The following VRTN variants were observed in gnomAD, a reference collection of about 807,000 sequenced individuals.
VRTN encodes the protein vertebrae development associated.
A neutral mutation model predicts 18.2 loss-of-function variants in VRTN; 5 were observed. The observed-to-expected ratio is 0.27, with a 90% confidence interval of 0.14 to 0.58. The LOEUF is 0.58. VRTN is among the 20% of genes least tolerant of loss of function. The pLI is 0.91. For missense variants in VRTN, 741 were observed against 939.4 expected, an observed-to-expected ratio of 0.79 and a Z score of 2.76; for synonymous variants, 381 against 393.7, an observed-to-expected ratio of 0.97 and a Z score of 0.38.
At chr14:74,322,960 C>T (rs1370266999) in intron 1 of VRTN, among the ~76,000 whole-genome samples, 1 of 151,642 alleles carries the variant, frequency 6.6e-6, no homozygotes, top group Non-Finnish European at 1.5e-5. Flanking sequence ...ATGGTGAAAC[C>T]CTGTCTCTAC....
At chr14:74,339,408 G>T (rs2085585690) in intron 2 of VRTN, among the ~76,000 whole-genome samples, 1 of 151,898 alleles carries the variant, frequency 6.6e-6, no homozygotes, top group African/African-American at 2.4e-5. Context: ...GTCACCAAGG[G>T]ACTCTGGATG....
chr14:74,327,794 C>T (rs1338438252), intron 1 of VRTN, among the ~76,000 whole-genome samples: 1 of 152,144 alleles, frequency 6.6e-6, no homozygotes. Context: ...AATCTCAGCT[C>T]ACTGCAACCT....
intron 1 of VRTN, among the ~76,000 whole-genome samples, chr14:74,320,513 T>C (rs561358996): frequency 2.8e-4 from 41 of 144,844 alleles, no homozygotes; most frequent in Admixed American, 9.9e-4. Flanking sequence ...CCGCCCGCCT[T>C]GGCCTCCCAA....
chr14:74,359,142 A>G lies in VRTN; in HGVS notation c.*250A>G. The G allele has an allele frequency of 1.5e-6, 1 of 673,860 alleles. No homozygotes were observed. The highest frequency in any genetic ancestry group is 2.1e-6 in the Non-Finnish European group (1 of 466,254). 41.7% of individuals were successfully genotyped at this position (673,860 alleles called of 1,614,324 possible). A position where few individuals can be genotyped will look rare whatever the true frequency, so the allele number is the denominator to read the frequency against. On this transcript the variant is annotated 3_prime_UTR_variant, in exon 2 of 2. Transcript: ENST00000256362. ...TTCGTTGTTTGCTGGTCATATTTTT[A>G]CTGTTATGATTTAGTTTTTGGTTTT...
chr14:74,304,492 C>T (rs572283362), intron 1 of VRTN, among the ~76,000 whole-genome samples: 4 of 152,210 alleles, frequency 2.6e-5, no homozygotes, highest in African/African-American at 7.2e-5. Context: ...ACAAACATAC[C>T]ATACAGCAGG....
chr14:74,354,545 C>T (rs545127563), intron 1 of VRTN, among the ~76,000 whole-genome samples: 5 of 152,136 alleles, frequency 3.3e-5, no homozygotes, highest in Admixed American at 3.3e-4. Context: ...GCTGGGACCA[C>T]AGGCATGTGC....
intron 1 of VRTN, among the ~76,000 whole-genome samples, chr14:74,349,361 G>T (rs1254059963): frequency 6.6e-6 from 1 of 152,218 alleles, no homozygotes; most frequent in East Asian, 1.9e-4. Context: ...CAGTCGGGCT[G>T]GTGTGGCCAG....
chr14:74,355,108 C>T (rs1353976029), intron 1 of VRTN, among the ~76,000 whole-genome samples: 1 of 145,736 alleles, frequency 6.9e-6, no homozygotes, highest in Non-Finnish European at 1.5e-5. Context: ...CGCCCCTGCA[C>T]TCCAGCCTGG....
intron 1 of VRTN, among the ~76,000 whole-genome samples, chr14:74,331,232 A>AAACG (rs1387070452): frequency 2.7e-5 from 4 of 150,288 alleles, no homozygotes; most frequent in Non-Finnish European, 5.9e-5. Flanking sequence ...ACAAACAAAC[A>AAACG]AACCACAAGT....
At chr14:74,304,281 C>T (rs1293091743) in intron 1 of VRTN, among the ~76,000 whole-genome samples, 1 of 151,886 alleles carries the variant, frequency 6.6e-6, no homozygotes, top group Non-Finnish European at 1.5e-5. Context: ...CTCAGCCTCC[C>T]GAGTAGCTGG....
chr14:74,319,328 C>T (rs1194793061), intron 1 of VRTN, among the ~76,000 whole-genome samples: 11 of 152,180 alleles, frequency 7.2e-5, no homozygotes, highest in South Asian at 4.1e-4. Flanking sequence ...GCCCGGCCCG[C>T]GCCTGGCCCC....
At chr14:74,317,012 T>G (rs1195441463) in intron 1 of VRTN, among the ~76,000 whole-genome samples, 3 of 151,082 alleles carry the variant, frequency 2.0e-5, no homozygotes, top group South Asian at 2.1e-4. Flanking sequence ...AAGGGGAGAG[T>G]GATAGGAAAT....
At chr14:74,350,640 A>G (rs1431646671) in intron 1 of VRTN, among the ~76,000 whole-genome samples, 1 of 152,220 alleles carries the variant, frequency 6.6e-6, no homozygotes, top group African/African-American at 2.4e-5. Flanking sequence ...AGGGAGCTTG[A>G]GAGTCAGGCT....
intron 1 of VRTN, among the ~76,000 whole-genome samples, chr14:74,351,437 A>G (rs1284727462): frequency 6.6e-6 from 1 of 151,846 alleles, no homozygotes; most frequent in Non-Finnish European, 1.5e-5. Flanking sequence ...TATAATATAC[A>G]CATTTTAAAG....
chr14:74,342,837 G>A (rs986371385), intron 2 of VRTN, among the ~76,000 whole-genome samples: 1 of 152,020 alleles, frequency 6.6e-6, no homozygotes, highest in African/African-American at 2.4e-5. Flanking sequence ...TCAAGCTGGT[G>A]TTGAACTCCT....
intron 2 of VRTN, among the ~76,000 whole-genome samples, chr14:74,343,186 C>A (rs942548301): frequency 6.6e-6 from 1 of 151,848 alleles, no homozygotes; most frequent in African/African-American, 2.4e-5. Flanking sequence ...GAGTGCAGTG[C>A]TGCGACCTTG....
intron 1 of VRTN, among the ~76,000 whole-genome samples, chr14:74,321,813 C>T (rs953793890): frequency 7.0e-5 from 10 of 141,972 alleles, no homozygotes; most frequent in African/African-American, 2.6e-4. Flanking sequence ...TTTTCATTTG[C>T]ATTTTTAAAA....
chr14:74,337,319 G>T (rs1047497090), intron 1 of VRTN, among the ~76,000 whole-genome samples: 5 of 152,134 alleles, frequency 3.3e-5, no homozygotes, highest in African/African-American at 1.2e-4. Context: ...CTCTAGCTGG[G>T]TGACAGAGTG....
chr14:74,315,653 C>G (rs1426653139), intron 1 of VRTN, among the ~76,000 whole-genome samples: 1 of 152,118 alleles, frequency 6.6e-6, no homozygotes, highest in African/African-American at 2.4e-5. Flanking sequence ...CTTCACAGAC[C>G]TTAGGCAAAT....
Sources: gnomAD v4.1 joint callset for allele counts (sites outside exome capture counted in the v4.1 genomes callset) on GRCh38, gnomAD v4.1.1 for gene constraint, MANE v1.5 for transcripts, NCBI Gene and HGNC (gene_info 2026-07-23, HGNC 2026-07-21) for gene names.